TOLLIP: variants seen among roughly 807,000 people sequenced by gnomAD.
TOLLIP encodes toll interacting protein, also known as toll-interacting protein.
Under a neutral mutation model 33.5 loss-of-function variants are expected in TOLLIP, and 16 were observed. That is an observed-to-expected ratio of 0.48 (90% confidence interval 0.32 to 0.72). The LOEUF (loss-of-function observed/expected upper bound fraction) is 0.72, where lower values mean the gene tolerates loss of function less well. TOLLIP is among the 30% of genes least tolerant of loss of function. The pLI, the probability that TOLLIP is intolerant of heterozygous loss-of-function variation, is 0.03. For missense variants in TOLLIP, 325 were observed against 396.6 expected (o/e 0.82, Z 1.53); for synonymous variants, 176 against 163.7 (o/e 1.07, Z -0.57).
chr11:1,280,914 A>G (rs993571878), intron 5 of TOLLIP, among the ~76,000 whole-genome samples: 4 of 152,188 alleles, frequency 2.6e-5, no homozygotes, highest in Non-Finnish European at 4.4e-5. Flanking sequence ...GCTGAGGCCC[A>G]GTGGCACCCG....
chr11:1,296,544 G>A (rs1864117298), intron 1 of TOLLIP, among the ~76,000 whole-genome samples: 1 of 149,746 alleles, frequency 6.7e-6, no homozygotes, highest in African/African-American at 2.5e-5. Context: ...GGCTGCTGGT[G>A]GAGTGGGGTG....
chr11:1,301,231 T>C (rs886972030), intron 1 of TOLLIP, among the ~76,000 whole-genome samples: 4 of 152,222 alleles, frequency 2.6e-5, no homozygotes, highest in African/African-American at 9.6e-5. Context: ...GAAAGTACCT[T>C]TTAACTGGCT....
Position 1,302,897 on chromosome 11 carries a change from T to A in TOLLIP, c.33+6569A>T, listed in dbSNP as rs747453098. The stretch of plus-strand genomic sequence containing the variant: ...CTGAGCACTCATTCGCCGTGCCTTG[T>A]CTCCCCTTCCGGGGCCTTCCTCAGA... On this transcript the variant is annotated intron_variant, in intron 1 of 5. Coordinates refer to ENST00000317204, the MANE Select transcript of TOLLIP (RefSeq NM_019009.4). 15 of 620,308 alleles carry A rather than the reference T, an allele frequency of 2.4e-5. No individual in the cohort carries two copies. In the Admixed American group the frequency reaches 2.5e-4, roughly 10 times the overall value. 38.4% of individuals were successfully genotyped at this position (620,308 alleles called of 1,614,324 possible).
At chr11:1,285,772 GA>G (rs569493569) in intron 5 of TOLLIP, among the ~76,000 whole-genome samples, 2,268 of 83,382 alleles carry the variant, frequency 0.027, 27 homozygotes, top group African/African-American at 0.074. Flanking sequence ...CCAACAATTA[GA>G]AAAAAAAAAA....
At chr11:1,285,966 C>T (rs984929194) in intron 5 of TOLLIP, 36 bp downstream of exon 5, 6 of 1,546,048 alleles carry the variant, frequency 3.9e-6, no homozygotes, top group Non-Finnish European at 5.3e-6. Context: ...GGGGTTTCTA[C>T]CAGGGGAGAG....
chr11:1,300,366 G>A (rs5743915), intron 1 of TOLLIP, among the ~76,000 whole-genome samples: 63,143 of 151,964 alleles, frequency 0.42, 13,200 homozygotes, highest in East Asian at 0.54. Context: ...CCACTGCAGC[G>A]TACCTTTCCA....
At chr11:1,308,972 G>A (rs994397438) in intron 1 of TOLLIP, among the ~76,000 whole-genome samples, 43 of 151,920 alleles carry the variant, frequency 2.8e-4, no homozygotes, top group African/African-American at 8.0e-4. Flanking sequence ...TCAGGGAGCA[G>A]GGCCCGCATC....
At chr11:1,285,955 T>G (rs771437658) in intron 5 of TOLLIP, 47 bp downstream of exon 5, 1 of 1,496,532 alleles carries the variant, frequency 6.7e-7, no homozygotes, top group Non-Finnish European at 9.1e-7. Context: ...CCCTAGGCCC[T>G]GGGGTTTCTA....
intron 1 of TOLLIP, among the ~76,000 whole-genome samples, chr11:1,308,634 G>A (rs760961428): frequency 2.6e-5 from 4 of 152,254 alleles, no homozygotes; most frequent in Non-Finnish European, 4.4e-5. Context: ...GCAACTCTCA[G>A]GAGAGAATTC....
At chr11:1,292,546 C>G (rs972283031) in intron 2 of TOLLIP, among the ~76,000 whole-genome samples, 7 of 152,322 alleles carry the variant, frequency 4.6e-5, no homozygotes, top group African/African-American at 1.7e-4. Flanking sequence ...CTAGGATGAG[C>G]GTCCTGTGAC....
chr11:1,302,927 G>A (rs1294440627), intron 1 of TOLLIP: 1 of 278,422 alleles, frequency 3.6e-6, no homozygotes. Context: ...CTCAGACAGG[G>A]CTTTCCTTCC....
At chr11:1,309,249 G>A (rs1457522005) in intron 1 of TOLLIP, among the ~76,000 whole-genome samples, 1 of 152,148 alleles carries the variant, frequency 6.6e-6, no homozygotes, top group Non-Finnish European at 1.5e-5. Flanking sequence ...GCACGGCGGT[G>A]AGCTCAAGCC....
chr11:1,296,697 C>A (rs1864122199), intron 1 of TOLLIP, among the ~76,000 whole-genome samples: 1 of 110,590 alleles, frequency 9.0e-6, no homozygotes. Context: ...GGCCTGGTTG[C>A]TGGTGGAGTG....
rs1327177677 is a variant in TOLLIP, at chr11:1,277,601, A to G, written c.611-348T>C. Among the ~76,000 whole-genome samples the G allele has an allele frequency of 6.6e-6, 1 of 152,180 alleles. No individual in the cohort carries two copies. The highest frequency in any genetic ancestry group is 6.5e-5 in the Admixed American group (1 of 15,284). On this transcript the variant is annotated intron_variant, in intron 5 of 5. Transcript: ENST00000317204. The surrounding 1 kb of genome is among the most constrained non-coding windows in gnomAD (Gnocchi z 4.2). The stretch of plus-strand genomic sequence containing the variant: ...GTTTTGATCCCTTCAGAACTCGTGA[A>G]TTTGCACTGCACACGCTCGTCTTCA...
At position 1,295,414 on chromosome 11, in the gene TOLLIP, C is replaced by T. The variant is rs529801614; in HGVS notation, c.183+231G>A. The T allele has an allele frequency of 4.9e-5, 23 of 464,824 alleles. No homozygotes were observed. The South Asian group carries it at 6.5e-4, about 13-fold the overall frequency. The allele number at this position is 464,824 out of a possible 1,614,324, so 28.8% of individuals were successfully genotyped here. On this transcript the variant is annotated intron_variant, in intron 2 of 5. Coordinates refer to ENST00000317204, the MANE Select transcript of TOLLIP (RefSeq NM_019009.4). The stretch of plus-strand genomic sequence containing the variant: ...AGAGCCAGGCCCTACACAGAGCAGA[C>T]GCCCACCTACACCCACTACTCATCA...
At chr11:1,299,316 C>A (rs1384702136) in intron 1 of TOLLIP, among the ~76,000 whole-genome samples, 1 of 152,192 alleles carries the variant, frequency 6.6e-6, no homozygotes, top group East Asian at 1.9e-4. Context: ...CAGGGAGAGG[C>A]GGCTTGCCTG....
intron 4 of TOLLIP, among the ~76,000 whole-genome samples, chr11:1,286,492 A>G (rs1456890470): frequency 1.3e-5 from 2 of 152,210 alleles, no homozygotes; most frequent in Non-Finnish European, 2.9e-5. Context: ...CTCTGAGTTC[A>G]AAACTGTCCA....
At chr11:1,302,274 TCAGGA>T (rs1162533174) in intron 1 of TOLLIP, among the ~76,000 whole-genome samples, 3 of 152,222 alleles carry the variant, frequency 2.0e-5, no homozygotes, top group Non-Finnish European at 2.9e-5. Context: ...CCGTGGGCAG[TCAGGA>T]CAGACCCTGG....
At chr11:1,281,629 C>T (rs1296474454) in intron 5 of TOLLIP, among the ~76,000 whole-genome samples, 4 of 152,242 alleles carry the variant, frequency 2.6e-5, no homozygotes, top group African/African-American at 7.2e-5. Flanking sequence ...CCTAAGAAGC[C>T]GGGCTCTCCT....
Sources: gnomAD v4.1 joint callset for allele counts (sites outside exome capture counted in the v4.1 genomes callset) on GRCh38, gnomAD v4.1.1 for gene constraint, Gnocchi (gnomAD v3.1) non-coding constraint, MANE v1.5 for transcripts, NCBI Gene and HGNC (gene_info 2026-07-23, HGNC 2026-07-21) for gene names.